The following NBEA variants were observed in gnomAD, a reference collection of about 807,000 sequenced individuals.
NBEA encodes neurobeachin.
A neutral mutation model predicts 343.4 loss-of-function variants in NBEA; 44 were observed. The ratio of observed to expected loss-of-function variants is 0.13; its 90% CI spans 0.10 to 0.16. NBEA has a LOEUF of 0.16. Ranked by LOEUF, NBEA falls within the 10% of genes least tolerant of loss-of-function variation. NBEA has a pLI of 1.00. For missense variants in NBEA, 2,555 were observed against 3,631.3 expected, an observed-to-expected ratio of 0.70 and a Z score of 7.62; for synonymous variants, 1,175 against 1,238.7, an observed-to-expected ratio of 0.95 and a Z score of 1.08.
intron 36 of NBEA, among the ~76,000 whole-genome samples, chr13:35,327,330 T>C (rs150302412): frequency 5.8e-4 from 88 of 152,220 alleles, no homozygotes; most frequent in African/African-American, 2.0e-3. Flanking sequence ...TGTACACGTA[T>C]GTTCATCGCA....
intron 49 of NBEA, among the ~76,000 whole-genome samples, chr13:35,634,466 C>T (rs1159719025): frequency 2.0e-5 from 3 of 152,182 alleles, no homozygotes; most frequent in South Asian, 4.1e-4. Flanking sequence ...AGTATTTCAA[C>T]AGAAGCTGTA....
intron 10 of NBEA, among the ~76,000 whole-genome samples, chr13:35,073,602 T>C (rs1437560978): frequency 6.6e-6 from 1 of 152,166 alleles, no homozygotes; most frequent in Non-Finnish European, 1.5e-5. Flanking sequence ...CTTTGTTTTA[T>C]CAACTTTGAT....
chr13:34,943,075 G>A lies in NBEA; in HGVS notation c.255G>A (p.Glu85=). 1.2e-6 allele frequency: 2 copies of A among 1,613,744 alleles called. No homozygotes were observed. The highest frequency in any genetic ancestry group is 8.5e-7 in the Non-Finnish European group (1 of 1,179,792). The change falls in exon 1 of 59, where the codon GAG becomes GAA. Residue 85 remains glutamate (E), a synonymous_variant. Transcript: ENST00000379939. ...TGATTGGACTCATACAGGTCGGAGA[G>A]GTCAGCAACAGGGACATCGTGGAGA... ...AVLIGLIQVG[E]VSNRDIVETV...
chr13:35,178,242 T>G (rs780315058), intron 28 of NBEA, among the ~76,000 whole-genome samples: 37 of 151,788 alleles, frequency 2.4e-4, no homozygotes, highest in Non-Finnish European at 4.9e-4. Context: ...TTTGCCAATA[T>G]GGTTAAAACT....
At chr13:34,983,657 A>G (rs781504490) in intron 1 of NBEA, among the ~76,000 whole-genome samples, 2 of 152,112 alleles carry the variant, frequency 1.3e-5, no homozygotes, top group Non-Finnish European at 1.5e-5. Flanking sequence ...AATTATTCCT[A>G]TTTCTCCACA....
intron 18 of NBEA, among the ~76,000 whole-genome samples, chr13:35,148,069 G>T (rs2068545543): frequency 6.6e-6 from 1 of 152,146 alleles, no homozygotes; most frequent in Non-Finnish European, 1.5e-5. Context: ...TCATCATAAA[G>T]ATAATACTGG....
chr13:35,183,593 A>G (rs1010490347), intron 29 of NBEA, among the ~76,000 whole-genome samples: 2 of 151,998 alleles, frequency 1.3e-5, no homozygotes. Flanking sequence ...TTTTAATTTT[A>G]TTATTCAAAT....
chr13:35,440,728 A>G (rs2045695431), intron 39 of NBEA, among the ~76,000 whole-genome samples: 1 of 152,230 alleles, frequency 6.6e-6, no homozygotes, highest in Non-Finnish European at 1.5e-5. Context: ...TTGGAAAATG[A>G]CAAACCATAG....
At chr13:35,042,151 A>G (rs1366484556) in intron 2 of NBEA, among the ~76,000 whole-genome samples, 2 of 151,896 alleles carry the variant, frequency 1.3e-5, no homozygotes, top group Non-Finnish European at 2.9e-5. Context: ...GAATTGCAAA[A>G]AGCATGCTTT....
intron 33 of NBEA, among the ~76,000 whole-genome samples, chr13:35,211,843 T>C (rs73491634): frequency 0.097 from 14,736 of 151,500 alleles, 806 homozygotes; most frequent in African/African-American, 0.14. Flanking sequence ...AATAAACAAA[T>C]AAACAAACAA....
intron 17 of NBEA, among the ~76,000 whole-genome samples, chr13:35,129,527 G>A (rs1209195156): frequency 6.6e-6 from 1 of 151,912 alleles, no homozygotes; most frequent in Non-Finnish European, 1.5e-5. Context: ...ATTAGACAAA[G>A]CTTCACAAAG....
intron 1 of NBEA, among the ~76,000 whole-genome samples, chr13:34,962,935 C>T (rs1439089943): frequency 3.3e-5 from 5 of 152,002 alleles, no homozygotes; most frequent in African/African-American, 9.7e-5. Context: ...TACTAGAACT[C>T]CAGAATGCTG....
chr13:35,545,722 C>T (rs536143014), intron 41 of NBEA, among the ~76,000 whole-genome samples: 3 of 152,294 alleles, frequency 2.0e-5, no homozygotes, highest in Admixed American at 1.3e-4. Context: ...TTCCATAACT[C>T]CTCTGGAGTC....
At chr13:35,365,885 A>G (rs1258028923) in intron 38 of NBEA, among the ~76,000 whole-genome samples, 1 of 151,606 alleles carries the variant, frequency 6.6e-6, no homozygotes, top group Non-Finnish European at 1.5e-5. Flanking sequence ...TATTATATGC[A>G]CACTCAAATT....
chr13:35,386,895 T>C, intron 38 of NBEA, among the ~76,000 whole-genome samples: 1 of 152,138 alleles, frequency 6.6e-6, no homozygotes, highest in Non-Finnish European at 1.5e-5. Context: ...AACGAGAGGT[T>C]TTGTAACAGC....
At chr13:35,520,165 T>G (rs1330699060) in intron 41 of NBEA, among the ~76,000 whole-genome samples, 2 of 152,348 alleles carry the variant, frequency 1.3e-5, no homozygotes, top group East Asian at 1.9e-4. Context: ...TTGCGCCTGC[T>G]GGCCCATGGC....
chr13:35,190,122 G>C (rs2072065951), intron 30 of NBEA, among the ~76,000 whole-genome samples: 1 of 152,038 alleles, frequency 6.6e-6, no homozygotes, highest in South Asian at 2.1e-4. Context: ...GAATCTTCCT[G>C]GAAAACTCCA....
intron 41 of NBEA, among the ~76,000 whole-genome samples, chr13:35,487,102 T>C (rs551951681): frequency 3.3e-5 from 5 of 152,062 alleles, no homozygotes; most frequent in Admixed American, 3.3e-4. Flanking sequence ...TCAAGACACA[T>C]TGAAAACTTC....
At chr13:35,220,241 A>G (rs1266887813) in intron 33 of NBEA, among the ~76,000 whole-genome samples, 2 of 152,166 alleles carry the variant, frequency 1.3e-5, no homozygotes, top group Non-Finnish European at 2.9e-5. Flanking sequence ...CCTGCAAGAA[A>G]GTATACTTAT....
Sources: allele counts gnomAD v4.1 joint callset (sites outside exome capture counted in the v4.1 genomes callset), GRCh38; gene constraint gnomAD v4.1.1; transcripts MANE v1.5; gene names NCBI Gene and HGNC (gene_info 2026-07-23, HGNC 2026-07-21).